Variants in CDADC1 observed in about 807,000 individuals in gnomAD.
The protein encoded by CDADC1 is cytidine and dCMP deaminase domain containing 1.
In CDADC1, 39 loss-of-function variants were observed where a neutral mutation model predicts 54.9. That is an observed-to-expected ratio of 0.71 (90% CI 0.55 to 0.93). The LOEUF (loss-of-function observed/expected upper bound fraction) is 0.93. Among genes scored for constraint, CDADC1 ranks in the 40% least tolerant of loss-of-function variants. The pLI, the probability that CDADC1 is intolerant of heterozygous loss-of-function variation, is 0.00. For missense variants in CDADC1, 518 were observed against 618.8 expected (o/e 0.84, Z 1.73); for synonymous variants, 186 against 204.0 (o/e 0.91, Z 0.75).
chr13:49,289,120 C>CTTTT (rs66814830), intron 9 of CDADC1, among the ~76,000 whole-genome samples: 20 of 60,990 alleles, frequency 3.3e-4, no homozygotes, highest in East Asian at 5.7e-4. Flanking sequence ...TTTTTTTTTG[C>CTTTT]TTTTTTTTTT....
At chr13:49,261,404 C>T (rs1205378834) in intron 4 of CDADC1, among the ~76,000 whole-genome samples, 2 of 152,122 alleles carry the variant, frequency 1.3e-5, no homozygotes, top group Non-Finnish European at 2.9e-5. Context: ...TTTTTTTCAC[C>T]TTTTCCCAAT....
At chr13:49,259,292 A>G in intron 3 of CDADC1, 54 bp from the exon 4 acceptor site, 1 of 1,168,728 alleles carries the variant, frequency 8.6e-7, no homozygotes, top group Non-Finnish European at 1.2e-6. Flanking sequence ...ATAATCCATA[A>G]TATGATTATT....
chr13:49,272,275 AAATAT>A (rs1952986649), intron 5 of CDADC1, among the ~76,000 whole-genome samples: 1 of 152,238 alleles, frequency 6.6e-6, no homozygotes, highest in African/African-American at 2.4e-5. Flanking sequence ...TTTTGCAGGC[AAATAT>A]AATCTTATGT....
At chr13:49,260,145 C>T (rs1478594916) in intron 4 of CDADC1, among the ~76,000 whole-genome samples, 1 of 152,076 alleles carries the variant, frequency 6.6e-6, no homozygotes, top group Non-Finnish European at 1.5e-5. Flanking sequence ...CAGTTTGATA[C>T]ATTATAAGAG....
chr13:49,270,232 A>G (rs1159070815), intron 5 of CDADC1, among the ~76,000 whole-genome samples: 1 of 151,772 alleles, frequency 6.6e-6, no homozygotes, highest in Non-Finnish European at 1.5e-5. Flanking sequence ...ATTTTATTTT[A>G]TTTTTTTTGA....
At chr13:49,274,540 G>A (rs1228340601) in intron 6 of CDADC1, among the ~76,000 whole-genome samples, 200 bp downstream of exon 6, 5 of 151,854 alleles carry the variant, frequency 3.3e-5, no homozygotes, top group Non-Finnish European at 7.4e-5. Flanking sequence ...GCGTGGTGGC[G>A]GGTGCCTGTA....
intron 5 of CDADC1, among the ~76,000 whole-genome samples, chr13:49,270,107 AAACAC>A (rs1330198156): frequency 6.6e-6 from 1 of 152,236 alleles, no homozygotes; most frequent in Admixed American, 6.5e-5. Context: ...CCTTAGCACT[AAACAC>A]AATGTGCGTT....
chr13:49,259,345 G>A lies in CDADC1; in HGVS notation c.253-1G>A. 6.3e-7 allele frequency: 1 copy of A among 1,595,728 alleles called. No individual in the cohort carries two copies. Among genetic ancestry groups the A allele is most frequent in the South Asian group, 1.1e-5 (1 of 88,676 alleles). ...AGTTGTTATTTTATATCTTAATGTA[G>A]GTAAAGAGAACTGGTCTTGTGGTGG... On this transcript the variant is annotated splice_acceptor_variant, in intron 3 of 9. Coordinates refer to ENST00000251108, the MANE Select transcript of CDADC1 (RefSeq NM_030911.4). LOFTEE classifies it high-confidence loss of function.
chr13:49,249,053 C>A, intron 2 of CDADC1, 88 bp downstream of exon 2: 1 of 783,352 alleles, frequency 1.3e-6, no homozygotes, highest in Non-Finnish European at 2.2e-6. Context: ...TACCTAAAAC[C>A]AAACTTAACA....
At position 49,278,343 on chromosome 13, in the gene CDADC1, C is replaced by T. The variant is rs746693796; in HGVS notation, c.1051-7C>T. On this transcript the variant is annotated splice_region_variant and splice_polypyrimidine_tract_variant and intron_variant, in intron 6 of 9. Transcript: ENST00000251108. ...GAAACTAACCATTGGTTTGCTCACTCTCGTAGAGAAGTTGTGATGGAACAG... is the reference window on the plus strand; with the variant it reads ...GAAACTAACCATTGGTTTGCTCACTTTCGTAGAGAAGTTGTGATGGAACAG... 1.1e-5 allele frequency: 16 copies of T among 1,521,610 alleles called. 1 individual carries two copies. Among genetic ancestry groups the T allele is most frequent in the Middle Eastern group, 1.8e-4 (1 of 5,694 alleles). The allele number at this position is 1,521,610 out of a possible 1,614,324, so 94.3% of individuals were successfully genotyped here.
At chr13:49,275,614 T>C (rs1953083836) in intron 6 of CDADC1, among the ~76,000 whole-genome samples, 1 of 147,358 alleles carries the variant, frequency 6.8e-6, no homozygotes, top group East Asian at 2.0e-4. Context: ...ATCCTGGCAG[T>C]GACATACTAT....
At chr13:49,269,342 T>C (rs561831484) in intron 5 of CDADC1, among the ~76,000 whole-genome samples, 13 of 97,156 alleles carry the variant, frequency 1.3e-4, no homozygotes, top group South Asian at 3.8e-4. Context: ...TACTTTTTAC[T>C]TTTATAAAAA....
chr13:49,257,652 C>T (rs1053990569), intron 3 of CDADC1, among the ~76,000 whole-genome samples: 1 of 152,156 alleles, frequency 6.6e-6, no homozygotes, highest in Non-Finnish European at 1.5e-5. Context: ...TACTCAGCTA[C>T]TCCACGGGCT....
At chr13:49,265,893 G>GC (rs1566361025) in intron 4 of CDADC1, 14 of 1,303,082 alleles carry the variant, frequency 1.1e-5, no homozygotes, top group Non-Finnish European at 1.4e-5. Context: ...ACTGGAAGCA[G>GC]CTAAGATGCC....
rs370569811 is a variant in CDADC1, at chr13:49,278,336, G to A, written c.1051-14G>A. The A allele has an allele frequency of 1.3e-6, 2 of 1,495,450 alleles. No homozygotes were observed. Among genetic ancestry groups the A allele is most frequent in the East Asian group, 2.4e-5 (1 of 42,206 alleles). The allele number at this position is 1,495,450 out of a possible 1,614,324, so 92.6% of individuals were successfully genotyped here. On this transcript the variant is annotated splice_polypyrimidine_tract_variant and intron_variant, in intron 6 of 9. Transcript: ENST00000251108. ...GAATGTTGAAACTAACCATTGGTTTGCTCACTCTCGTAGAGAAGTTGTGAT... is the reference window on the plus strand; with the variant it reads ...GAATGTTGAAACTAACCATTGGTTTACTCACTCTCGTAGAGAAGTTGTGAT...
rs202144256 is a variant in CDADC1, at chr13:49,248,133, A to T, written c.82+14A>T. Reference sequence around the variant, plus strand: ...GCAGCATGACCGGTGAGTGTCCGGGACCCTGCTCCCGCCACCCTACCTTTC... The same window carrying T: ...GCAGCATGACCGGTGAGTGTCCGGGTCCCTGCTCCCGCCACCCTACCTTTC... On this transcript the variant is annotated intron_variant, in intron 1 of 9. Coordinates refer to ENST00000251108, the MANE Select transcript of CDADC1 (RefSeq NM_030911.4). 94 of 1,547,306 alleles carry T rather than the reference A, an allele frequency of 6.1e-5. No homozygotes were observed. The highest frequency in any genetic ancestry group is 4.9e-4 in the South Asian group (41 of 83,960).
intron 3 of CDADC1, among the ~76,000 whole-genome samples, chr13:49,257,757 C>A (rs546272821): frequency 6.6e-6 from 1 of 152,054 alleles, no homozygotes; most frequent in African/African-American, 2.4e-5. Flanking sequence ...GTGAGACTGT[C>A]TCAAATCAAT....
intron 5 of CDADC1, among the ~76,000 whole-genome samples, chr13:49,273,743 A>ATAGG (rs1953029830): frequency 1.3e-5 from 2 of 151,950 alleles, no homozygotes; most frequent in African/African-American, 4.8e-5. Flanking sequence ...CTAGCAATAG[A>ATAGG]TAGATAGATC....
At chr13:49,274,196 TGTTTCAATACAA>T in intron 5 of CDADC1, 83 bp from the exon 6 acceptor site, 2 of 868,012 alleles carry the variant, frequency 2.3e-6, no homozygotes, top group East Asian at 2.5e-5. Flanking sequence ...TTATGAAGTA[TGTTTCAATACAA>T]GTTTTTATTA....
Sources: allele counts gnomAD v4.1 joint callset (sites outside exome capture counted in the v4.1 genomes callset), GRCh38; gene constraint gnomAD v4.1.1; transcripts MANE v1.5; gene names NCBI Gene and HGNC (gene_info 2026-07-23, HGNC 2026-07-21).